LYPD6B: variants seen among roughly 807,000 people sequenced by gnomAD.
LYPD6B encodes LY6/PLAUR domain containing 6B.
In LYPD6B, 17 loss-of-function variants were observed where a neutral mutation model predicts 22.8. The ratio of observed to expected loss-of-function variants is 0.75; its 90% CI spans 0.51 to 1.12. The LOEUF (loss-of-function observed/expected upper bound fraction) is 1.12, where lower values mean the gene tolerates loss of function less well. LYPD6B is among the 50% of genes most tolerant of loss of function. The pLI is 0.00. For missense variants in LYPD6B, 221 were observed against 258.3 expected (o/e 0.86, Z 0.99); for synonymous variants, 106 against 91.6 (o/e 1.16, Z -0.90).
At chr2:149,075,479 G>GATGA (rs1684840152) in intron 1 of LYPD6B, among the ~76,000 whole-genome samples, 1 of 150,480 alleles carries the variant, frequency 6.6e-6, no homozygotes, top group Admixed American at 6.7e-5. Flanking sequence ...CTGTTCATGT[G>GATGA]ATGAAGTTAA....
intron 3 of LYPD6B, among the ~76,000 whole-genome samples, chr2:149,180,572 G>T (rs1691644090): frequency 6.6e-6 from 1 of 152,226 alleles, no homozygotes; most frequent in Non-Finnish European, 1.5e-5. Flanking sequence ...GTCAGAGGAA[G>T]TATTAACTAG....
intron 3 of LYPD6B, among the ~76,000 whole-genome samples, chr2:149,199,123 C>T (rs1025121109): frequency 3.9e-5 from 6 of 152,100 alleles, no homozygotes; most frequent in South Asian, 2.1e-4. Flanking sequence ...GGGAGAAATG[C>T]GGGAAGCAGG....
At chr2:149,150,423 C>T (rs1430284240) in intron 2 of LYPD6B, among the ~76,000 whole-genome samples, 6 of 152,144 alleles carry the variant, frequency 3.9e-5, no homozygotes, top group Non-Finnish European at 7.3e-5. Context: ...GTCTTTAATT[C>T]TGTATCAGCA....
intron 1 of LYPD6B, among the ~76,000 whole-genome samples, chr2:149,113,041 G>T (rs767759163): frequency 2.0e-5 from 3 of 152,122 alleles, no homozygotes; most frequent in Non-Finnish European, 4.4e-5. Flanking sequence ...AGTTTACATG[G>T]TACCTACCAT....
At chr2:149,141,042 A>G (rs954576946) in intron 2 of LYPD6B, among the ~76,000 whole-genome samples, 2 of 152,212 alleles carry the variant, frequency 1.3e-5, no homozygotes, top group East Asian at 1.9e-4. Flanking sequence ...TTCTCATGGA[A>G]CTTACCTTCT....
chr2:149,049,035 A>G (rs1288729509), intron 1 of LYPD6B, among the ~76,000 whole-genome samples: 1 of 152,168 alleles, frequency 6.6e-6, no homozygotes, highest in Non-Finnish European at 1.5e-5. Context: ...TCCTGGTCTA[A>G]GTATCACTTT....
chr2:149,061,899 T>G (rs1411314336), intron 1 of LYPD6B, among the ~76,000 whole-genome samples: 1 of 152,134 alleles, frequency 6.6e-6, no homozygotes, highest in Non-Finnish European at 1.5e-5. Context: ...ATCTCTAAAA[T>G]TACACCTAAT....
At chr2:149,169,059 A>G (rs1483374014) in intron 3 of LYPD6B, among the ~76,000 whole-genome samples, 1 of 152,172 alleles carries the variant, frequency 6.6e-6, no homozygotes, top group Non-Finnish European at 1.5e-5. Context: ...TATCCCCTCA[A>G]AAAGGGTAAA....
intron 3 of LYPD6B, among the ~76,000 whole-genome samples, chr2:149,167,811 A>G (rs1481589622): frequency 6.6e-6 from 1 of 152,184 alleles, no homozygotes; most frequent in Non-Finnish European, 1.5e-5. Flanking sequence ...AATACTTGAA[A>G]GTCTGTGGAA....
At chr2:149,178,225 C>G (rs992955267) in intron 3 of LYPD6B, among the ~76,000 whole-genome samples, 8 of 152,216 alleles carry the variant, frequency 5.3e-5, no homozygotes, top group African/African-American at 1.9e-4. Context: ...GCTTCCAGCA[C>G]AGCCTTTCCA....
In LYPD6B at chr2:149,167,879, A is replaced by C. The variant is rs79158416; in HGVS notation, c.77+7044A>C. 0.015 allele frequency among the ~76,000 whole-genome samples: 2,218 copies of C among 152,198 alleles called. 273 individuals carry two copies. The East Asian group carries it at 0.31, about 21-fold the overall frequency. On this transcript the variant is annotated intron_variant, in intron 3 of 6. Coordinates refer to ENST00000409642, the MANE Select transcript of LYPD6B (RefSeq NM_177964.5). ...CGATGATTGCTTAACAATAATAAACATAGAGGTTTTTTTATGTTTTTTGTT... is the reference window on the plus strand; with the variant it reads ...CGATGATTGCTTAACAATAATAAACCTAGAGGTTTTTTTATGTTTTTTGTT...
At chr2:149,189,375 CAT>C (rs1692351745) in intron 3 of LYPD6B, among the ~76,000 whole-genome samples, 2 of 43,830 alleles carry the variant, frequency 4.6e-5, no homozygotes, top group Non-Finnish European at 9.4e-5. Flanking sequence ...TATACACACA[CAT>C]ATGTATATAT....
chr2:149,207,556 A>G (rs1164969883), intron 4 of LYPD6B, among the ~76,000 whole-genome samples: 1 of 152,244 alleles, frequency 6.6e-6, no homozygotes, highest in African/African-American at 2.4e-5. Flanking sequence ...AGTTGCTCTC[A>G]GTCCAGACTA....
At position 149,086,661 on chromosome 2, in the gene LYPD6B, G is replaced by A. The variant is rs531735092; in HGVS notation, c.-66-44222G>A. ...TTTCTATGGGGAGGTGTATTAGTTTGCTAGAGCTGCCATGGCAAAATATCA... is the reference window on the plus strand; with the variant it reads ...TTTCTATGGGGAGGTGTATTAGTTTACTAGAGCTGCCATGGCAAAATATCA... On this transcript the variant is annotated intron_variant, in intron 1 of 6. Transcript: ENST00000409642. Among the ~76,000 whole-genome samples, 18 of 152,284 alleles carry A rather than the reference G, an allele frequency of 1.2e-4. No individual in the cohort carries two copies. The South Asian group carries it at 3.1e-3, about 26-fold the overall frequency.
chr2:149,078,476 T>G (rs1684974823), intron 1 of LYPD6B, among the ~76,000 whole-genome samples: 1 of 152,162 alleles, frequency 6.6e-6, no homozygotes, highest in Non-Finnish European at 1.5e-5. Context: ...ACCTTGGTTT[T>G]CTCAAGCTAT....
chr2:149,172,931 G>T (rs1467644446), intron 3 of LYPD6B, among the ~76,000 whole-genome samples: 1 of 151,744 alleles, frequency 6.6e-6, no homozygotes, highest in African/African-American at 2.4e-5. Context: ...GCTTGCAGAT[G>T]GGGCTTTTTG....
chr2:149,192,030 C>A (rs936889733), intron 3 of LYPD6B, among the ~76,000 whole-genome samples: 4 of 152,068 alleles, frequency 2.6e-5, no homozygotes, highest in Non-Finnish European at 5.9e-5. Context: ...TTGCTTTATG[C>A]CATTCTCTGG....
chr2:149,100,669 T>C (rs1391948959), intron 1 of LYPD6B, among the ~76,000 whole-genome samples: 1 of 152,184 alleles, frequency 6.6e-6, no homozygotes, highest in Non-Finnish European at 1.5e-5. Context: ...CATCAATCCC[T>C]TCAACTCCCA....
intron 1 of LYPD6B, among the ~76,000 whole-genome samples, chr2:149,074,182 G>A (rs1378654243): frequency 2.0e-5 from 3 of 152,064 alleles, no homozygotes; most frequent in Non-Finnish European, 4.4e-5. Context: ...CAGGTCAGAG[G>A]CTCAAGTGAA....
Sources: gnomAD v4.1 joint callset for allele counts (sites outside exome capture counted in the v4.1 genomes callset) on GRCh38, gnomAD v4.1.1 for gene constraint, MANE v1.5 for transcripts, NCBI Gene and HGNC (gene_info 2026-07-23, HGNC 2026-07-21) for gene names.